Variants in PIAS1 observed in about 807,000 individuals in gnomAD.
The protein encoded by PIAS1 is protein inhibitor of activated STAT 1.
In PIAS1, 6 loss-of-function variants were observed where a neutral mutation model predicts 71.3. The ratio of observed to expected loss-of-function variants is 0.08; its 90% CI spans 0.05 to 0.17. PIAS1 has a LOEUF of 0.17. PIAS1 is among the 10% of genes least tolerant of loss of function. PIAS1 has a pLI of 1.00. For synonymous variants in PIAS1, 303 were observed against 292.9 expected (o/e 1.03, Z -0.35); for missense variants, 555 against 793.6 (o/e 0.70, Z 3.61).
chr15:68,070,555 A>G (rs1451577524), intron 1 of PIAS1, among the ~76,000 whole-genome samples: 2 of 152,180 alleles, frequency 1.3e-5, no homozygotes, highest in African/African-American at 2.4e-5. Flanking sequence ...GACCTAGAAG[A>G]TGGACTGTCC....
chr15:68,155,030 G>C (rs2092877389), intron 7 of PIAS1, among the ~76,000 whole-genome samples: 1 of 152,110 alleles, frequency 6.6e-6, no homozygotes, highest in South Asian at 2.1e-4. Context: ...GTATGGAAGA[G>C]GGAATACCAA....
At chr15:68,084,845 G>C (rs1400965903) in intron 1 of PIAS1, among the ~76,000 whole-genome samples, 1 of 152,136 alleles carries the variant, frequency 6.6e-6, no homozygotes, top group Non-Finnish European at 1.5e-5. Flanking sequence ...CTAAAATACA[G>C]ATGCGAAAAG....
chr15:68,065,915 C>CTTTTTTTTTTTTTTTTTTTTTTTT (rs869104577), intron 1 of PIAS1, among the ~76,000 whole-genome samples: 3 of 40,160 alleles, frequency 7.5e-5, no homozygotes, highest in African/African-American at 2.7e-4. Flanking sequence ...TGACTAAAAG[C>CTTTTTTTTTTTTTTTTTTTTTTTT]TTTTTTTTTT....
intron 1 of PIAS1, among the ~76,000 whole-genome samples, chr15:68,071,714 C>T (rs1011842337): frequency 2.0e-5 from 3 of 151,762 alleles, no homozygotes; most frequent in African/African-American, 7.3e-5. Flanking sequence ...CCTGTAATCC[C>T]AGCACTTTGG....
intron 6 of PIAS1, among the ~76,000 whole-genome samples, chr15:68,148,577 T>C (rs928119519): frequency 5.9e-5 from 9 of 151,982 alleles, no homozygotes; most frequent in African/African-American, 1.2e-4. Context: ...TACAGGCACC[T>C]GCCACTGCAC....
chr15:68,126,242 A>G (rs1052373950), intron 2 of PIAS1, among the ~76,000 whole-genome samples: 2 of 151,944 alleles, frequency 1.3e-5, no homozygotes, highest in South Asian at 2.1e-4. Flanking sequence ...TGGAACTCCT[A>G]TTCCCAGACT....
chr15:68,086,527 A>G lies in PIAS1; in HGVS notation c.246A>G (p.Ser82=), dbSNP rs759201887. Residue 82 remains serine, a synonymous_variant, in exon 2 of 14, where the codon TCA becomes TCG. Transcript: ENST00000249636. This position sits in a 1 kb window ranked among gnomAD's most constrained non-coding sequence, Gnocchi z 7.2. ...ACTTGTCCATCCCCAACGTACATTC[A>G]AGTCCTATGCCAGCAACTTTGTCTC... is the stretch of plus-strand genomic sequence containing the variant. ...PADLSIPNVH[S]SPMPATLSPS... The G allele has an allele frequency of 2.5e-6, 4 of 1,613,830 alleles. No homozygotes were observed. The Admixed American group carries it at 6.7e-5, about 27-fold the overall frequency.
chr15:68,150,017 T>G (rs2092834475), intron 6 of PIAS1, among the ~76,000 whole-genome samples: 1 of 152,188 alleles, frequency 6.6e-6, no homozygotes. Context: ...ACTGGATTTT[T>G]TTTTAGAAAT....
chr15:68,122,916 T>C (rs1449913701), intron 2 of PIAS1, among the ~76,000 whole-genome samples: 3 of 151,828 alleles, frequency 2.0e-5, no homozygotes, highest in Non-Finnish European at 4.4e-5. Context: ...CCTAAGAAAA[T>C]AGAATTTTAT....
Position 68,171,370 on chromosome 15 carries a change from A to G in PIAS1, c.1009-2362A>G, listed in dbSNP as rs1175791773. ...AAATATATATAAGTAAAGGGAGTAC[A>G]CTCCAAAATAATGATAAAAAGTATA... On this transcript the variant is annotated intron_variant, in intron 8 of 13. Coordinates refer to ENST00000249636, the MANE Select transcript of PIAS1 (RefSeq NM_016166.3). The surrounding 1 kb of genome is among the most constrained non-coding windows in gnomAD (Gnocchi z 4.4). Among the ~76,000 whole-genome samples, 2 of 152,340 alleles carry G rather than the reference A, an allele frequency of 1.3e-5. No homozygotes were observed. The highest frequency in any genetic ancestry group is 2.1e-4 in the South Asian group (1 of 4,830).
In PIAS1 at chr15:68,185,720, T is replaced by G. The variant is rs1004151905; in HGVS notation, c.1663-1822T>G. Among the ~76,000 whole-genome samples, 1 of 152,130 alleles carries G rather than the reference T, an allele frequency of 6.6e-6. No homozygotes were observed. Among genetic ancestry groups the G allele is most frequent in the African/African-American group, 2.4e-5 (1 of 41,426 alleles). On this transcript the variant is annotated intron_variant, in intron 13 of 13. Transcript: ENST00000249636. The surrounding 1 kb of genome is among the most constrained non-coding windows in gnomAD (Gnocchi z 4.4). ...GGCTTACACCTATAATCCCAGCACT[T>G]TGGGAGGCCAAAGCGGGTAGATCAT...
rs34155251 is a variant in PIAS1 at position 68,115,347 on chromosome 15, AT to A, written c.470-26591del. Among the ~76,000 whole-genome samples, 28 of 151,828 alleles carry A rather than the reference AT, an allele frequency of 1.8e-4. No homozygotes were observed. In the East Asian group the frequency reaches 1.9e-3, roughly 10 times the overall value. On this transcript the variant is annotated intron_variant, in intron 2 of 13. Coordinates refer to ENST00000249636, the MANE Select transcript of PIAS1 (RefSeq NM_016166.3). ...TACATGGTGCTATACTGTAAATGGT[AT>A]TTTTTTTATTTCAGTTTCTGATTGT...
rs750756606 is a variant in PIAS1, at chr15:68,187,827, T to C, written c.1948T>C (p.Leu650=). 65 of 1,612,114 alleles carry C rather than the reference T, an allele frequency of 4.0e-5. No homozygotes were observed. The highest frequency in any genetic ancestry group is 1.2e-4 in the Admixed American group (7 of 59,928). ...TGGCATCATACCAGACATTATTTCA[T>C]TGGACTGATTCCCAGGCCCTGCTGC... ...IFGIIPDIIS[L]D Residue 650 remains leucine, a synonymous_variant, in exon 14 of 14, where the codon TTG becomes CTG. Transcript: ENST00000249636. This position sits in a 1 kb window ranked among gnomAD's most constrained non-coding sequence, Gnocchi z 5.3.
Position 68,173,861 on chromosome 15 carries a change from A to G in PIAS1, c.1138A>G (p.Lys380Glu). 1 of 1,582,758 alleles carries G rather than the reference A, an allele frequency of 6.3e-7. No homozygotes were observed. Among genetic ancestry groups the G allele is most frequent in the Non-Finnish European group, 8.6e-7 (1 of 1,158,818 alleles). Residue 380 changes from lysine (K) to glutamate (E), a missense_variant, in exon 9 of 14, where the codon AAG (lysine) becomes GAG (glutamate). By Grantham distance (56) the Lys-to-Glu change is moderately conservative. Coordinates refer to ENST00000249636, the MANE Select transcript of PIAS1 (RefSeq NM_016166.3). This position sits in a 1 kb window ranked among gnomAD's most constrained non-coding sequence, Gnocchi z 4.3. ...CTGGGTTTGTCCTGTCTGTGATAAG[A>G]AGGCTCCATATGAACACCTTATTAT... is the stretch of plus-strand genomic sequence containing the variant. Reference protein sequence around the residue: ...PTWVCPVCDKKAPYEHLIIDG... With the variant: ...PTWVCPVCDKEAPYEHLIIDG...
At chr15:68,158,999 G>A (rs1169045969) in intron 7 of PIAS1, among the ~76,000 whole-genome samples, 1 of 152,116 alleles carries the variant, frequency 6.6e-6, no homozygotes, top group African/African-American at 2.4e-5. Flanking sequence ...GCTAACTCCT[G>A]TAGCTCATGA....
intron 11 of PIAS1, among the ~76,000 whole-genome samples, 171 bp downstream of exon 11, chr15:68,176,825 G>C (rs1388615605): frequency 6.6e-6 from 1 of 152,144 alleles, no homozygotes; most frequent in African/African-American, 2.4e-5. Context: ...TTGGGGTAAT[G>C]CACCAAAAGG....
chr15:68,127,937 G>T (rs1255507251), intron 2 of PIAS1, among the ~76,000 whole-genome samples: 1 of 151,926 alleles, frequency 6.6e-6, no homozygotes, highest in Non-Finnish European at 1.5e-5. Context: ...TAATTATTTT[G>T]TATTTTTAGT....
rs1314540184 is a variant in PIAS1 at position 68,176,388 on chromosome 15, CTG to C, written c.1301-84_1301-83del. 7.3e-6 allele frequency: 6 copies of C among 825,732 alleles called. No homozygotes were observed. The African/African-American group carries it at 8.8e-5, about 12-fold the overall frequency. 51.2% of individuals were successfully genotyped at this position (825,732 alleles called of 1,614,324 possible). On this transcript the variant is annotated intron_variant, in intron 10 of 13. Coordinates refer to ENST00000249636, the MANE Select transcript of PIAS1 (RefSeq NM_016166.3). ...GCTCCAACAATATTGTGAATCTAAACTGTAACTGATAAACTGTAGTGACACTG... is the reference window on the plus strand; with the variant it reads ...GCTCCAACAATATTGTGAATCTAAACTAACTGATAAACTGTAGTGACACTG...
chr15:68,148,146 G>A (rs2092821287), intron 6 of PIAS1, among the ~76,000 whole-genome samples: 1 of 152,108 alleles, frequency 6.6e-6, no homozygotes, highest in Admixed American at 6.5e-5. Context: ...TGTATCAAAG[G>A]GCACTTTGAA....
Sources: allele counts gnomAD v4.1 joint callset (sites outside exome capture counted in the v4.1 genomes callset), GRCh38; gene constraint gnomAD v4.1.1; non-coding constraint Gnocchi (gnomAD v3.1); transcripts MANE v1.5; gene names NCBI Gene and HGNC (gene_info 2026-07-23, HGNC 2026-07-21).